Variants in RMDN1 observed in about 807,000 individuals in gnomAD.
The protein encoded by RMDN1 is regulator of microtubule dynamics protein 1.
In RMDN1, 48 loss-of-function variants were observed where a neutral mutation model predicts 48.9. The observed-to-expected ratio is 0.98, with a 90% CI of 0.78 to 1.25. RMDN1 has a LOEUF of 1.25. RMDN1 is among the 50% of genes most tolerant of loss of function. The pLI is 0.00. For missense variants in RMDN1, 418 were observed against 373.4 expected (o/e 1.12, Z -0.98); for synonymous variants, 148 against 132.6 (o/e 1.12, Z -0.80).
chr8:86,508,894 C>G (rs777187216), upstream of RMDN1: 164 of 811,614 alleles, frequency 2.0e-4, no homozygotes, highest in Non-Finnish European at 2.6e-4. Context: ...GGCGCTCTGA[C>G]TTGTTTCTGC....
intron 2 of RMDN1, among the ~76,000 whole-genome samples, chr8:86,503,113 GGAGGCC>G (rs1215613550): frequency 6.6e-6 from 1 of 152,030 alleles, no homozygotes; most frequent in Non-Finnish European, 1.5e-5. Context: ...CAGCACTTTG[GGAGGCC>G]GAGGCGGCCA....
intron 2 of RMDN1, among the ~76,000 whole-genome samples, chr8:86,498,188 C>T (rs1351746900): frequency 6.6e-6 from 1 of 151,724 alleles, no homozygotes; most frequent in African/African-American, 2.4e-5. Context: ...AGAAACATCC[C>T]AAGATTGAAC....
In RMDN1 at chr8:86,472,639, G is replaced by C. The variant is rs909455015; in HGVS notation, c.*1669C>G. 8.6e-6 allele frequency: 5 copies of C among 583,114 alleles called. No homozygotes were observed. Among genetic ancestry groups the C allele is most frequent in the Non-Finnish European group, 1.5e-5 (5 of 331,024 alleles). 36.1% of individuals were successfully genotyped at this position (583,114 alleles called of 1,614,324 possible). A position where few individuals can be genotyped will look rare whatever the true frequency, so the allele number is the denominator to read the frequency against. ...ACCCTGACCACATTATTTTTTCACT[G>C]TATCAGTGGTGTGTCATATTTTTTT... On this transcript the variant is annotated 3_prime_UTR_variant, in exon 10 of 10. Transcript: ENST00000406452.
In RMDN1 at chr8:86,507,532, G is replaced by A. The variant is rs148206448; in HGVS notation, c.130-420C>T. ...TTTTAAATTTTTTTGTAGAGACAGG[G>A]TCTCACTGTGTTGCCCAGGCTGGTT... is the stretch of plus-strand genomic sequence containing the variant. On this transcript the variant is annotated intron_variant, in intron 1 of 9. Coordinates refer to ENST00000406452, the MANE Select transcript of RMDN1 (RefSeq NM_016033.3). 3.5e-3 allele frequency among the ~76,000 whole-genome samples: 531 copies of A among 152,184 alleles called. 2 individuals carry two copies. Among genetic ancestry groups the A allele is most frequent in the African/African-American group, 0.012 (510 of 41,500 alleles).
downstream of RMDN1, chr8:86,468,394 T>C (rs1294156315): frequency 2.2e-6 from 1 of 452,578 alleles, no homozygotes; most frequent in African/African-American, 2.0e-5. Context: ...TTCCAAATCC[T>C]TATTATGAAC....
intron 2 of RMDN1, among the ~76,000 whole-genome samples, chr8:86,489,976 G>A (rs375170980): frequency 3.3e-5 from 5 of 151,694 alleles, no homozygotes; most frequent in Admixed American, 6.6e-5. Flanking sequence ...AAATGACAAT[G>A]GCAAAAAAAA....
intron 5 of RMDN1, chr8:86,481,792 C>T: frequency 9.2e-7 from 1 of 1,092,714 alleles, no homozygotes; most frequent in Non-Finnish European, 1.2e-6. Context: ...CACAAGCCAT[C>T]TTCATTTTTT....
Position 86,473,069 on chromosome 8 carries a change from T to C in RMDN1, c.*1239A>G. The C allele has an allele frequency of 1.0e-6, 1 of 972,074 alleles. No individual in the cohort carries two copies. The highest frequency in any genetic ancestry group is 1.2e-6 in the Non-Finnish European group (1 of 817,894). 60.2% of individuals were successfully genotyped at this position (972,074 alleles called of 1,614,324 possible). On this transcript the variant is annotated 3_prime_UTR_variant, in exon 10 of 10. Transcript: ENST00000406452. ...AAGATGCTTCTACTAGTCCCAAGTA[T>C]TTCAGATAAGGGATACACAACCTAT...
At chr8:86,497,174 T>A (rs984006286) in intron 2 of RMDN1, among the ~76,000 whole-genome samples, 41 of 152,306 alleles carry the variant, frequency 2.7e-4, no homozygotes, top group African/African-American at 9.9e-4. Context: ...GCTAAATGCC[T>A]GTATCAAGAA....
At chr8:86,496,296 C>A (rs1173624267) in intron 2 of RMDN1, among the ~76,000 whole-genome samples, 1 of 152,184 alleles carries the variant, frequency 6.6e-6, no homozygotes, top group Non-Finnish European at 1.5e-5. Context: ...TCTCACATAT[C>A]AGTATGGACC....
intron 8 of RMDN1, among the ~76,000 whole-genome samples, chr8:86,475,713 CT>C (rs1370483172): frequency 6.6e-6 from 1 of 152,174 alleles, no homozygotes; most frequent in African/African-American, 2.4e-5. Flanking sequence ...TCAAAGCATA[CT>C]TTTTCCTGTA....
At chr8:86,489,515 T>G (rs1816097250) in intron 2 of RMDN1, among the ~76,000 whole-genome samples, 2 of 152,138 alleles carry the variant, frequency 1.3e-5, no homozygotes, top group African/African-American at 4.8e-5. Flanking sequence ...ATACTTTAAT[T>G]AATCACAGTA....
chr8:86,497,676 G>A (rs1186459704), intron 2 of RMDN1, among the ~76,000 whole-genome samples: 2 of 142,608 alleles, frequency 1.4e-5, no homozygotes, highest in African/African-American at 5.2e-5. Context: ...ACTCCAGCCT[G>A]AGCAACAGAG....
At chr8:86,476,289 T>C (rs1027229158) in intron 8 of RMDN1, among the ~76,000 whole-genome samples, 1 of 152,170 alleles carries the variant, frequency 6.6e-6, no homozygotes, top group African/African-American at 2.4e-5. Flanking sequence ...CAAGAGAGGG[T>C]ATCAGTGAAG....
Position 86,474,873 on chromosome 8 carries a change from AAGC to A in RMDN1, c.838_840del (p.Ala280del). 6.2e-7 allele frequency: 1 copy of A among 1,613,234 alleles called. No individual in the cohort carries two copies. Among genetic ancestry groups the A allele is most frequent in the South Asian group, 1.1e-5 (1 of 90,872 alleles). On this transcript the variant is annotated inframe_deletion, in exon 9 of 10. Coordinates refer to ENST00000406452, the MANE Select transcript of RMDN1 (RefSeq NM_016033.3). ...TAGTCCTTGGCTTTCATTAGCCAGA[AAGC>A]AGCAAGCTTTTTGTTGTGTAGTTTC...
chr8:86,493,241 T>C (rs1221185199), intron 2 of RMDN1, among the ~76,000 whole-genome samples: 2 of 152,196 alleles, frequency 1.3e-5, no homozygotes, highest in Admixed American at 6.5e-5. Flanking sequence ...AATAAAGCTA[T>C]TGCATTATGG....
chr8:86,471,522 G>C (rs867211898), downstream of RMDN1, among the ~76,000 whole-genome samples: 1 of 151,890 alleles, frequency 6.6e-6, no homozygotes, highest in Non-Finnish European at 1.5e-5. Context: ...ACTCAGAACT[G>C]GACAAACAAA....
rs555901119 is a variant in RMDN1, at chr8:86,492,773, A to T, written c.248-4134T>A. ...TGGTACCACCTGGTGATAAATATAG[A>T]TATAACCATTTTAAAAGTCATCCTA... On this transcript the variant is annotated intron_variant, in intron 2 of 9. Coordinates refer to ENST00000406452, the MANE Select transcript of RMDN1 (RefSeq NM_016033.3). Among the ~76,000 whole-genome samples the T allele has an allele frequency of 1.8e-3, 271 of 151,866 alleles. 1 individual carries two copies. Among genetic ancestry groups the T allele is most frequent in the African/African-American group, 6.2e-3 (256 of 41,416 alleles).
chr8:86,478,495 A>G (rs1433947516), intron 7 of RMDN1: 1 of 154,100 alleles, frequency 6.5e-6, no homozygotes, highest in Non-Finnish European at 1.4e-5. Flanking sequence ...TGAACCTTTC[A>G]TATGCTTTTT....
Sources: allele counts gnomAD v4.1 joint callset (sites outside exome capture counted in the v4.1 genomes callset), GRCh38; gene constraint gnomAD v4.1.1; transcripts MANE v1.5; gene names NCBI Gene and HGNC (gene_info 2026-07-23, HGNC 2026-07-21).